Variants in NIPSNAP2 observed in about 807,000 individuals in gnomAD.
NIPSNAP2 encodes protein NipSnap homolog 2.
NIPSNAP2 carries 42 observed loss-of-function variants against 48.4 expected under a neutral mutation model. That is an observed-to-expected ratio of 0.87 (90% CI 0.68 to 1.12). The LOEUF is 1.12. Among genes scored for constraint, NIPSNAP2 ranks in the 50% most tolerant of loss-of-function variants. The pLI is 0.00. For missense variants in NIPSNAP2, 314 were observed against 347.3 expected (o/e 0.90, Z 0.76); for synonymous variants, 158 against 126.6 (o/e 1.25, Z -1.67).
chr7:55,966,057 G>T (rs1035037708), intron 1 of NIPSNAP2, among the ~76,000 whole-genome samples: 1 of 152,152 alleles, frequency 6.6e-6, no homozygotes, highest in Admixed American at 6.6e-5. Context: ...AGTGAATAAG[G>T]CGTCCAAGGC....
chr7:55,999,942 A>G lies in NIPSNAP2; in HGVS notation c.*870A>G, dbSNP rs1288913447. 6.5e-6 allele frequency: 1 copy of G among 152,746 alleles called. No individual in the cohort carries two copies. Among genetic ancestry groups the G allele is most frequent in the Middle Eastern group, 3.4e-3 (1 of 294 alleles). 9.5% of individuals were successfully genotyped at this position (152,746 alleles called of 1,614,324 possible). On this transcript the variant is annotated 3_prime_UTR_variant, in exon 10 of 10. Coordinates refer to ENST00000322090, the MANE Select transcript of NIPSNAP2 (RefSeq NM_001483.3). The stretch of plus-strand genomic sequence containing the variant: ...AGGGGTGGTGCATGTTGAGATTTAA[A>G]TTGGCATAAAGCTGCATACTTTTTG...
At chr7:55,983,630 T>C in intron 5 of NIPSNAP2, 98 bp from the exon 6 acceptor site, 3 of 1,236,758 alleles carry the variant, frequency 2.4e-6, no homozygotes, top group Non-Finnish European at 3.4e-6. Context: ...ACCTGTTGAT[T>C]ACCCTATTAT....
At chr7:55,996,154 C>T (rs377160252) in intron 8 of NIPSNAP2, among the ~76,000 whole-genome samples, 4 of 152,006 alleles carry the variant, frequency 2.6e-5, no homozygotes, top group East Asian at 1.9e-4. Flanking sequence ...GGCATGGAGG[C>T]GCATGCCTGT....
At chr7:55,965,532 C>G (rs1437879979) in intron 1 of NIPSNAP2, among the ~76,000 whole-genome samples, 1 of 151,990 alleles carries the variant, frequency 6.6e-6, no homozygotes, top group Non-Finnish European at 1.5e-5. Context: ...CGCCATGGGC[C>G]AGGGAGGTTT....
At position 55,983,736 on chromosome 7, in the gene NIPSNAP2, G is replaced by A; in HGVS notation, c.453G>A (p.Leu151=). 4 of 1,612,854 alleles carry A rather than the reference G, an allele frequency of 2.5e-6. No individual in the cohort carries two copies. The highest frequency in any genetic ancestry group is 3.4e-5 in the Admixed American group (2 of 59,666). Residue 151 remains leucine (L), a synonymous_variant, in exon 6 of 10, where the codon TTG becomes TTA. Transcript: ENST00000322090. ...MNKLRENKEF[L]EFRKARSDML... is the part of the protein sequence containing the mutation. ...ATTTTTTTCACTCAAAGGAATTTTT[G>A]GAATTTCGTAAGGCAAGAAGTGACA...
chr7:55,993,842 A>G (rs948451149), intron 7 of NIPSNAP2, among the ~76,000 whole-genome samples: 2 of 152,086 alleles, frequency 1.3e-5, no homozygotes, highest in Non-Finnish European at 2.9e-5. Context: ...CAGAGGCACA[A>G]TGTATATTAG....
intron 1 of NIPSNAP2, among the ~76,000 whole-genome samples, chr7:55,973,648 T>A (rs1787054812): frequency 6.6e-6 from 1 of 150,904 alleles, no homozygotes; most frequent in Non-Finnish European, 1.5e-5. Flanking sequence ...CTATTTTTTT[T>A]TTTTTTTGTA....
intron 7 of NIPSNAP2, among the ~76,000 whole-genome samples, chr7:55,992,182 G>C (rs989893384): frequency 1.3e-5 from 2 of 152,080 alleles, no homozygotes; most frequent in Non-Finnish European, 2.9e-5. Context: ...GCTTGGGTAA[G>C]GTTCCCATCA....
intron 7 of NIPSNAP2, among the ~76,000 whole-genome samples, chr7:55,993,606 G>A (rs1787494363): frequency 6.7e-6 from 1 of 148,980 alleles, no homozygotes; most frequent in African/African-American, 2.5e-5. Context: ...CGAGCGTGAT[G>A]TCATGTGCCC....
At chr7:55,985,423 T>C (rs925562180) in intron 7 of NIPSNAP2, among the ~76,000 whole-genome samples, 1 of 152,052 alleles carries the variant, frequency 6.6e-6, no homozygotes, top group Non-Finnish European at 1.5e-5. Context: ...CCTATCAAAC[T>C]CCCAGCAGGC....
intron 1 of NIPSNAP2, among the ~76,000 whole-genome samples, chr7:55,974,944 C>T (rs981495819): frequency 9.2e-5 from 14 of 151,500 alleles, no homozygotes; most frequent in African/African-American, 3.4e-4. Context: ...CCATCAGCAT[C>T]TGGACTTTTA....
At chr7:55,970,107 C>T (rs1291857872) in intron 1 of NIPSNAP2, among the ~76,000 whole-genome samples, 1 of 151,954 alleles carries the variant, frequency 6.6e-6, no homozygotes, top group Non-Finnish European at 1.5e-5. Context: ...GATCAGCACT[C>T]ACAAGCTTCT....
Position 55,964,640 on chromosome 7 carries a change from G to A in NIPSNAP2, c.31G>A (p.Ala11Thr). Residue 11 changes from alanine to threonine, a missense_variant, in exon 1 of 10, where the codon GCG becomes ACG. Physicochemically the swap from Ala to Thr is moderately conservative, Grantham distance 58. Coordinates refer to ENST00000322090, the MANE Select transcript of NIPSNAP2 (RefSeq NM_001483.3). ...GGCGCGAGTGCTGCGCGCCCGCGGA[G>A]CGGCCTGGGCCGGCGGCCTCCTGCA... MAARVLRARGAAWAGGLLQRA... is the reference protein window; with the variant it reads MAARVLRARGTAWAGGLLQRA... 4 of 1,081,152 alleles carry A rather than the reference G, an allele frequency of 3.7e-6. No homozygotes were observed. The highest frequency in any genetic ancestry group is 4.5e-6 in the Non-Finnish European group (4 of 892,862). 67.0% of individuals were successfully genotyped at this position (1,081,152 alleles called of 1,614,324 possible).
intron 5 of NIPSNAP2, 28 bp downstream of exon 5, chr7:55,982,308 G>A (rs1169166938): frequency 2.3e-6 from 3 of 1,292,784 alleles, no homozygotes; most frequent in Non-Finnish European, 3.4e-6. Flanking sequence ...TGTTTACTTA[G>A]ACTAATGATA....
At chr7:55,976,352 A>G (rs1047785443) in intron 1 of NIPSNAP2, among the ~76,000 whole-genome samples, 2 of 152,234 alleles carry the variant, frequency 1.3e-5, no homozygotes, top group African/African-American at 4.8e-5. Flanking sequence ...ATGGCTATTC[A>G]AATGGCCTAT....
intron 1 of NIPSNAP2, among the ~76,000 whole-genome samples, chr7:55,970,961 T>G (rs1787005303): frequency 6.6e-6 from 1 of 152,166 alleles, no homozygotes; most frequent in Non-Finnish European, 1.5e-5. Flanking sequence ...TCTGGCTGTT[T>G]ACTGATAGGT....
At chr7:55,968,355 G>C (rs956147165) in intron 1 of NIPSNAP2, among the ~76,000 whole-genome samples, 6 of 151,908 alleles carry the variant, frequency 3.9e-5, no homozygotes, top group African/African-American at 1.4e-4. Flanking sequence ...ATTTACGGGA[G>C]AAGTATCATT....
At chr7:55,993,163 G>A (rs1158559733) in intron 7 of NIPSNAP2, among the ~76,000 whole-genome samples, 8 of 151,958 alleles carry the variant, frequency 5.3e-5, no homozygotes, top group Non-Finnish European at 1.2e-4. Context: ...GCCAGGCGTG[G>A]TGGTGCACAC....
intron 7 of NIPSNAP2, among the ~76,000 whole-genome samples, chr7:55,993,054 T>A (rs1455925278): frequency 6.6e-6 from 1 of 151,976 alleles, no homozygotes; most frequent in Non-Finnish European, 1.5e-5. Context: ...ATCCAAGCAC[T>A]TAGGGAGGCT....
Sources: gnomAD v4.1 joint callset for allele counts (sites outside exome capture counted in the v4.1 genomes callset) on GRCh38, gnomAD v4.1.1 for gene constraint, MANE v1.5 for transcripts, NCBI Gene and HGNC (gene_info 2026-07-23, HGNC 2026-07-21) for gene names.